RNF217: variants seen among roughly 807,000 people sequenced by gnomAD.
RNF217 encodes ring finger protein 217.
A neutral mutation model predicts 57.8 loss-of-function variants in RNF217; 31 were observed. The ratio of observed to expected loss-of-function variants is 0.54; its 90% CI spans 0.40 to 0.72. RNF217 has a LOEUF of 0.72. Ranked by LOEUF, RNF217 falls within the 30% of genes least tolerant of loss-of-function variation. RNF217 has a pLI of 0.00. For missense variants in RNF217, 696 were observed against 708.3 expected, an observed-to-expected ratio of 0.98 and a Z score of 0.20; for synonymous variants, 313 against 294.0, an observed-to-expected ratio of 1.06 and a Z score of -0.66.
chr6:125,025,295 A>G (rs1191935509), intron 1 of RNF217, among the ~76,000 whole-genome samples: 1 of 152,204 alleles, frequency 6.6e-6, no homozygotes, highest in African/African-American at 2.4e-5. Flanking sequence ...ACATTAAATA[A>G]TCTTTCATTT....
At chr6:124,983,626 C>A (rs1306097596) in intron 1 of RNF217, 1 of 350,820 alleles carries the variant, frequency 2.9e-6, no homozygotes, top group Non-Finnish European at 4.0e-6. Context: ...ATGTTTTCAC[C>A]CCTAGTGAAA....
chr6:125,003,333 G>C (rs1024893603), intron 1 of RNF217, among the ~76,000 whole-genome samples: 3 of 152,184 alleles, frequency 2.0e-5, no homozygotes, highest in African/African-American at 7.2e-5. Context: ...GAGTCAGACT[G>C]ATAGGGATTA....
At chr6:124,990,940 A>G (rs142960269) in intron 1 of RNF217, among the ~76,000 whole-genome samples, 2 of 152,270 alleles carry the variant, frequency 1.3e-5, no homozygotes, top group South Asian at 2.1e-4. Context: ...ACAGTAGCTC[A>G]TTCCTGTAGT....
At chr6:125,012,979 T>G (rs574227729) in intron 1 of RNF217, among the ~76,000 whole-genome samples, 1 of 152,324 alleles carries the variant, frequency 6.6e-6, no homozygotes, top group South Asian at 2.1e-4. Context: ...TATAGAATAT[T>G]AAATGTTTAT....
At position 125,045,439 on chromosome 6, in the gene RNF217, T is replaced by C. The variant is rs780117094; in HGVS notation, c.1111T>C (p.Tyr371His). Residue 371 changes from tyrosine (Y) to histidine (H), a missense_variant, in exon 2 of 6, where the codon TAC (tyrosine) becomes CAC (histidine). Tyr to His is a moderately conservative substitution (Grantham distance 83). This residue lies in a region of RNF217 where 231 missense variants were observed against 321.4 expected (regional missense o/e 0.72). Coordinates refer to ENST00000521654, the MANE Select transcript of RNF217 (RefSeq NM_001286398.3). The stretch of plus-strand genomic sequence containing the variant: ...CACCCCTTCCAGATCAGAAAGCAAA[T>C]ACAAAGTAAGCATTTTCACCAGAGC... ...IPTPSRSESK[Y>H]KIQCPTCQFV... 6 of 1,610,390 alleles carry C rather than the reference T, an allele frequency of 3.7e-6. No individual in the cohort carries two copies. In the South Asian group the frequency reaches 5.5e-5, roughly 15 times the overall value.
At chr6:125,029,612 C>G (rs575042204) in intron 1 of RNF217, among the ~76,000 whole-genome samples, 68 of 152,056 alleles carry the variant, frequency 4.5e-4, no homozygotes, top group Non-Finnish European at 7.6e-4. Context: ...TGATACTTGC[C>G]AATTTTGAAA....
At chr6:125,071,065 A>G (rs774743398) in intron 3 of RNF217, among the ~76,000 whole-genome samples, 1 of 152,084 alleles carries the variant, frequency 6.6e-6, no homozygotes, top group Non-Finnish European at 1.5e-5. Context: ...GCCACATTCC[A>G]GTTCTTTTTT....
intron 2 of RNF217, among the ~76,000 whole-genome samples, chr6:125,048,621 T>C (rs1035201424): frequency 6.6e-6 from 1 of 152,050 alleles, no homozygotes; most frequent in Non-Finnish European, 1.5e-5. Context: ...AATTCAACTG[T>C]TTGAAAATAT....
chr6:125,053,997 T>C (rs996968117), intron 2 of RNF217, among the ~76,000 whole-genome samples: 2 of 152,144 alleles, frequency 1.3e-5, no homozygotes, highest in African/African-American at 4.8e-5. Context: ...TTAGATATGT[T>C]GGTTTTTCTT....
chr6:124,989,673 T>A (rs1277719254), intron 1 of RNF217, among the ~76,000 whole-genome samples: 1 of 152,182 alleles, frequency 6.6e-6, no homozygotes, highest in African/African-American at 2.4e-5. Context: ...TTATTACTAT[T>A]CTTTTCATTT....
At chr6:125,009,342 T>G in intron 1 of RNF217, 22 of 1,099,910 alleles carry the variant, frequency 2.0e-5, no homozygotes, top group Non-Finnish European at 2.8e-5. Flanking sequence ...TTGTAATCTC[T>G]TCAAAACACC....
At chr6:125,026,197 T>C (rs1282878562) in intron 1 of RNF217, among the ~76,000 whole-genome samples, 2 of 152,218 alleles carry the variant, frequency 1.3e-5, no homozygotes, top group Non-Finnish European at 2.9e-5. Flanking sequence ...ATTATTATTC[T>C]AAGCAGCCAG....
chr6:125,077,770 T>G (rs1788433985), intron 4 of RNF217, among the ~76,000 whole-genome samples: 1 of 152,204 alleles, frequency 6.6e-6, no homozygotes, highest in Non-Finnish European at 1.5e-5. Context: ...GGCAATACTT[T>G]TTATCATCTT....
intron 2 of RNF217, among the ~76,000 whole-genome samples, chr6:125,047,649 C>T (rs1479542677): frequency 1.3e-5 from 2 of 151,846 alleles, no homozygotes; most frequent in Non-Finnish European, 2.9e-5. Context: ...AGGAGGAATT[C>T]AACAACACAA....
At position 124,963,129 on chromosome 6, in the gene RNF217, G is replaced by A; in HGVS notation, c.585G>A (p.Leu195=). 6.5e-7 allele frequency: 1 copy of A among 1,535,054 alleles called. No homozygotes were observed. Among genetic ancestry groups the A allele is most frequent in the Non-Finnish European group, 8.7e-7 (1 of 1,146,546 alleles). The change falls in exon 1 of 6, where the codon TTG becomes TTA. Residue 195 remains leucine, a synonymous_variant. Transcript: ENST00000521654. ...PASPPGAPPV[L]NPPSTRSSFP... is the part of the protein sequence containing the mutation. ...CGCCACCTGGGGCTCCGCCAGTGTT[G>A]AACCCTCCCAGCACCCGCTCTTCCT...
At chr6:125,039,064 T>C (rs536249695) in intron 1 of RNF217, among the ~76,000 whole-genome samples, 1 of 152,136 alleles carries the variant, frequency 6.6e-6, no homozygotes, top group East Asian at 1.9e-4. Context: ...TGTGTTCTTG[T>C]TGTTCAACTC....
rs148652162 is a variant in RNF217, at chr6:125,001,496, T to C, written c.882+38070T>C. Among the ~76,000 whole-genome samples, 383 of 152,334 alleles carry C rather than the reference T, an allele frequency of 2.5e-3. 3 individuals carry two copies. The highest frequency in any genetic ancestry group is 6.8e-3 in the Middle Eastern group (2 of 294). On this transcript the variant is annotated intron_variant, in intron 1 of 5. Transcript: ENST00000521654. ...CAGATAAAGACGTAATGATATGTTT[T>C]GTCAACTAGTAATTAAAATGTGACA...
At chr6:125,034,120 G>A (rs367910475) in intron 1 of RNF217, among the ~76,000 whole-genome samples, 1 of 152,006 alleles carries the variant, frequency 6.6e-6, no homozygotes, top group Non-Finnish European at 1.5e-5. Context: ...AGTAGGTTGC[G>A]AAAATTTTCT....
chr6:125,008,318 A>G (rs1181670784), intron 1 of RNF217, among the ~76,000 whole-genome samples: 1 of 152,110 alleles, frequency 6.6e-6, no homozygotes. Context: ...GTACTCTCCT[A>G]TTTTGGGACC....
Sources: gnomAD v4.1 joint callset for allele counts (sites outside exome capture counted in the v4.1 genomes callset) on GRCh38, gnomAD v4.1.1 for gene constraint, gnomAD v4.1.1 regional missense constraint, MANE v1.5 for transcripts, NCBI Gene and HGNC (gene_info 2026-07-23, HGNC 2026-07-21) for gene names.